Variants in KLRC3 observed in about 807,000 individuals in gnomAD.
KLRC3 encodes NKG2-E type II integral membrane protein.
Under a neutral mutation model 23.6 loss-of-function variants are expected in KLRC3, and 16 were observed. The observed-to-expected ratio is 0.68, with a 90% CI of 0.46 to 1.03. KLRC3 has a LOEUF of 1.03. KLRC3 is among the 50% of genes least tolerant of loss of function. KLRC3 has a pLI of 0.00. For missense variants in KLRC3, 209 were observed against 232.2 expected, an observed-to-expected ratio of 0.90 and a Z score of 0.65; for synonymous variants, 70 against 71.8, an observed-to-expected ratio of 0.98 and a Z score of 0.13.
At chr12:10,415,826 C>A (rs750354155) in intron 5 of KLRC3, 32 bp from the exon 6 acceptor site, 2 of 1,497,576 alleles carry the variant, frequency 1.3e-6, no homozygotes, top group Non-Finnish European at 1.9e-6. Context: ...AATTCTGTTA[C>A]ATTTTATGCA....
At chr12:10,412,735 C>A in intron 6 of KLRC3, 119 bp from the exon 7 acceptor site, 3 of 600,064 alleles carry the variant, frequency 5.0e-6, no homozygotes, top group Non-Finnish European at 8.8e-6. Context: ...TGCAGTGAGC[C>A]GAGATGAAAT....
intron 6 of KLRC3, among the ~76,000 whole-genome samples, chr12:10,413,341 A>AAC (rs1863597982): frequency 6.6e-6 from 1 of 152,196 alleles, no homozygotes; most frequent in Non-Finnish European, 1.5e-5. Context: ...AGATTTTGAA[A>AAC]AGGCACAGAT....
In KLRC3 at chr12:10,415,915, A is replaced by G. The variant is rs536380262; in HGVS notation, c.588-121T>C. 1.4e-4 allele frequency: 97 copies of G among 699,962 alleles called. No homozygotes were observed. The African/African-American group carries it at 1.6e-3, about 12-fold the overall frequency. The allele number at this position is 699,962 out of a possible 1,614,324, so 43.4% of individuals were successfully genotyped here. A position where few individuals can be genotyped will look rare whatever the true frequency, so the allele number is the denominator to read the frequency against. On this transcript the variant is annotated intron_variant, in intron 5 of 6. Coordinates refer to ENST00000396439, the MANE Select transcript of KLRC3 (RefSeq NM_002261.3). ...GAAAAAGGGTAATTAAATTTTTCAT[A>G]TGCTATTACTAAAAGTCATTATTCT...
intron 2 of KLRC3, 134 bp downstream of exon 2, chr12:10,419,732 A>G: frequency 3.2e-6 from 1 of 309,946 alleles, no homozygotes; most frequent in South Asian, 2.9e-5. Context: ...TTTCTATAAA[A>G]ATAAATGAAG....
intron 1 of KLRC3, 100 bp from the exon 2 acceptor site, chr12:10,420,064 G>A (rs961282071): frequency 1.0e-4 from 40 of 399,848 alleles, no homozygotes; most frequent in Non-Finnish European, 1.5e-4. Context: ...CATGCACAGG[G>A]AAACATAATG....
At chr12:10,416,829 T>C (rs1348763246) in intron 4 of KLRC3, 62 bp from the exon 5 acceptor site, 25 of 1,409,408 alleles carry the variant, frequency 1.8e-5, no homozygotes, top group East Asian at 2.5e-5. Flanking sequence ...AAAAACAATA[T>C]ATTAAAGTTG....
At chr12:10,412,676 G>C (rs1863591579) in intron 6 of KLRC3, 60 bp from the exon 7 acceptor site, 1 of 683,486 alleles carries the variant, frequency 1.5e-6, no homozygotes, top group African/African-American at 1.8e-5. Context: ...CAGCTACTCT[G>C]GTTGCTGAGG....
Position 10,418,439 on chromosome 12 carries a change from T to G in KLRC3, c.391A>C (p.Ile131Leu). The G allele has an allele frequency of 6.2e-7, 1 of 1,610,436 alleles. No homozygotes were observed. Among genetic ancestry groups the G allele is most frequent in the Non-Finnish European group, 8.5e-7 (1 of 1,176,722 alleles). The change falls in exon 4 of 7, where the codon ATT becomes CTT. Residue 131 changes from isoleucine (I) to leucine (L), a missense_variant. Ile to Leu is a conservative substitution (Grantham distance 5, BLOSUM62 2). Around this residue, in one of 4 missense-constraint regions of KLRC3, gnomAD observed 109 missense variants for 113.2 expected, o/e 0.96. Transcript: ENST00000396439. ...TCCCAAGTTCTTCTTTCCTTACCAA[T>G]GTAATAACAACTGTTGGAATATGTA... ...WITYSNSCYY[I>L]GKERRTWEES...
At chr12:10,413,210 A>G (rs1255213118) in intron 6 of KLRC3, among the ~76,000 whole-genome samples, 3 of 152,236 alleles carry the variant, frequency 2.0e-5, no homozygotes, top group Non-Finnish European at 4.4e-5. Flanking sequence ...TACCTACAAC[A>G]GAAGTCAATA....
At chr12:10,416,349 T>G (rs1187168628) in intron 5 of KLRC3, among the ~76,000 whole-genome samples, 1 of 152,224 alleles carries the variant, frequency 6.6e-6, no homozygotes, top group African/African-American at 2.4e-5. Flanking sequence ...TTTTGCAATT[T>G]TTTTGTTTAG....
intron 6 of KLRC3, among the ~76,000 whole-genome samples, chr12:10,412,846 A>ATTGAT (rs1863593024): frequency 6.6e-6 from 1 of 152,246 alleles, no homozygotes; most frequent in Non-Finnish European, 1.5e-5. Context: ...ATACAAGTTC[A>ATTGAT]ACATATAGTT....
intron 4 of KLRC3, 112 bp from the exon 5 acceptor site, chr12:10,416,879 T>A (rs1863653114): frequency 1.1e-6 from 1 of 881,576 alleles, no homozygotes; most frequent in Admixed American, 3.0e-5. Flanking sequence ...TCATAAATGT[T>A]TGAATTTTTT....
At chr12:10,413,683 G>C (rs1863602764) in intron 6 of KLRC3, among the ~76,000 whole-genome samples, 2 of 152,066 alleles carry the variant, frequency 1.3e-5, no homozygotes, top group Admixed American at 1.3e-4. Context: ...CAACGTGCAG[G>C]TTTGTTACAT....
intron 6 of KLRC3, among the ~76,000 whole-genome samples, chr12:10,412,991 T>A (rs1488660985): frequency 6.6e-6 from 1 of 152,120 alleles, no homozygotes; most frequent in Non-Finnish European, 1.5e-5. Flanking sequence ...ATGAATGCAT[T>A]CACACACATA....
intron 6 of KLRC3, 178 bp downstream of exon 6, chr12:10,415,526 C>G (rs1024164070): frequency 2.8e-6 from 3 of 1,056,128 alleles, no homozygotes; most frequent in East Asian, 5.3e-5. Context: ...ATCTGTACTT[C>G]CGTAATTGTG....
intron 3 of KLRC3, 145 bp from the exon 4 acceptor site, chr12:10,418,643 C>G (rs1426105742): frequency 2.9e-6 from 3 of 1,030,710 alleles, no homozygotes; most frequent in African/African-American, 1.6e-5. Flanking sequence ...TTTTTAATAA[C>G]TGAGTCAGTC....
chr12:10,420,112 ATCTT>A (rs1863700243), intron 1 of KLRC3, 148 bp from the exon 2 acceptor site: 1 of 593,642 alleles, frequency 1.7e-6, no homozygotes, highest in African/African-American at 1.9e-5. Context: ...TACTCTAGTA[ATCTT>A]TCTCTCAGAA....
At chr12:10,419,394 T>G (rs1034240565) in intron 2 of KLRC3, among the ~76,000 whole-genome samples, 2 of 91,694 alleles carry the variant, frequency 2.2e-5, no homozygotes, top group African/African-American at 8.3e-5. Context: ...TATCTTTGTG[T>G]GTGTATGTAT....
At chr12:10,415,974 G>A (rs1005442331) in intron 5 of KLRC3, among the ~76,000 whole-genome samples, 180 bp from the exon 6 acceptor site, 1 of 151,998 alleles carries the variant, frequency 6.6e-6, no homozygotes, top group African/African-American at 2.4e-5. Context: ...CTTCATCCAC[G>A]GGGGATATGT....
Sources: allele counts gnomAD v4.1 joint callset (sites outside exome capture counted in the v4.1 genomes callset), GRCh38; gene constraint gnomAD v4.1.1; regional missense constraint gnomAD v4.1.1; transcripts MANE v1.5; gene names NCBI Gene and HGNC (gene_info 2026-07-23, HGNC 2026-07-21).